Variants in SDC2 observed in about 807,000 individuals in gnomAD.
The protein encoded by SDC2 is syndecan-2.
SDC2 carries 13 observed loss-of-function variants against 22.2 expected under a neutral mutation model. The ratio of observed to expected loss-of-function variants is 0.59; its 90% CI spans 0.38 to 0.93. The LOEUF (loss-of-function observed/expected upper bound fraction) is 0.93, where lower values mean the gene tolerates loss of function less well. Among genes scored for constraint, SDC2 ranks in the 40% least tolerant of loss-of-function variants. The pLI is 0.00. For missense variants in SDC2, 235 were observed against 246.8 expected, an observed-to-expected ratio of 0.95 and a Z score of 0.32; for synonymous variants, 94 against 92.8, an observed-to-expected ratio of 1.01 and a Z score of -0.07.
chr8:96,496,039 G>T (rs548092890), intron 1 of SDC2, among the ~76,000 whole-genome samples: 6 of 152,288 alleles, frequency 3.9e-5, no homozygotes, highest in Middle Eastern at 3.4e-3. Flanking sequence ...TGCAAAACAG[G>T]GCAAAGGGAC....
chr8:96,559,951 C>T (rs536239825), intron 1 of SDC2, among the ~76,000 whole-genome samples: 2 of 152,254 alleles, frequency 1.3e-5, no homozygotes, highest in South Asian at 2.1e-4. Flanking sequence ...TCATTTGCCT[C>T]CTTAATTGTC....
chr8:96,561,402 T>A (rs1176364799), intron 1 of SDC2, among the ~76,000 whole-genome samples: 1 of 152,018 alleles, frequency 6.6e-6, no homozygotes, highest in Non-Finnish European at 1.5e-5. Flanking sequence ...GCAGCCAGAG[T>A]GCCTTTCATA....
intron 2 of SDC2, among the ~76,000 whole-genome samples, chr8:96,601,469 A>G (rs944355652): frequency 1.4e-4 from 22 of 151,918 alleles, no homozygotes; most frequent in Admixed American, 1.1e-3. Context: ...GTGAAACCCC[A>G]TCTCTACTAA....
At chr8:96,590,381 A>G (rs991020336) in intron 1 of SDC2, among the ~76,000 whole-genome samples, 7 of 152,144 alleles carry the variant, frequency 4.6e-5, no homozygotes, top group Non-Finnish European at 1.0e-4. Flanking sequence ...GGTCCCATTG[A>G]GTAAGGGAGT....
chr8:96,494,773 A>T (rs1813023512), intron 1 of SDC2, among the ~76,000 whole-genome samples: 1 of 152,066 alleles, frequency 6.6e-6, no homozygotes, highest in Non-Finnish European at 1.5e-5. Context: ...TCCTCCGCAC[A>T]CCATCCCCCC....
chr8:96,608,184 T>A (rs918938305), intron 3 of SDC2, 151 bp from the exon 4 acceptor site: 26 of 670,542 alleles, frequency 3.9e-5, no homozygotes, highest in South Asian at 2.8e-4. Flanking sequence ...ACTCACCCAT[T>A]GCTATAAACA....
At chr8:96,576,380 T>G (rs866692271) in intron 1 of SDC2, among the ~76,000 whole-genome samples, 4 of 48,620 alleles carry the variant, frequency 8.2e-5, no homozygotes, top group Middle Eastern at 8.6e-3. Context: ...TTTTGTTTTG[T>G]TTTGTTTTTT....
intron 1 of SDC2, among the ~76,000 whole-genome samples, chr8:96,562,283 C>T (rs2130563863): frequency 1.3e-5 from 2 of 152,304 alleles, no homozygotes; most frequent in South Asian, 4.1e-4. Flanking sequence ...TGCCTTTGCT[C>T]CTTTGTCAAA....
intron 1 of SDC2, among the ~76,000 whole-genome samples, chr8:96,564,030 A>G (rs1814254532): frequency 6.6e-6 from 1 of 152,230 alleles, no homozygotes; most frequent in Non-Finnish European, 1.5e-5. Flanking sequence ...AGTTTAGCCA[A>G]GGGATGCCAG....
intron 1 of SDC2, among the ~76,000 whole-genome samples, chr8:96,517,378 T>C (rs1055423838): frequency 3.9e-5 from 6 of 152,202 alleles, no homozygotes; most frequent in African/African-American, 1.4e-4. Flanking sequence ...TGCTTATGTT[T>C]TTGGTATCAT....
At chr8:96,566,075 C>T (rs1299865313) in intron 1 of SDC2, among the ~76,000 whole-genome samples, 1 of 152,130 alleles carries the variant, frequency 6.6e-6, no homozygotes, top group East Asian at 1.9e-4. Flanking sequence ...ATCTGGTCTT[C>T]CTCACATGGG....
At chr8:96,583,212 A>G (rs1814619645) in intron 1 of SDC2, among the ~76,000 whole-genome samples, 1 of 148,012 alleles carries the variant, frequency 6.8e-6, no homozygotes, top group African/African-American at 2.5e-5. Flanking sequence ...TTGGCCTCCC[A>G]AAGTGCTGGG....
At chr8:96,597,645 G>A (rs1463632295) in intron 2 of SDC2, among the ~76,000 whole-genome samples, 1 of 152,162 alleles carries the variant, frequency 6.6e-6, no homozygotes, top group Non-Finnish European at 1.5e-5. Context: ...TCGAACAATG[G>A]CACAAAAACA....
chr8:96,597,284 G>A (rs887885920), intron 2 of SDC2, among the ~76,000 whole-genome samples: 1 of 152,208 alleles, frequency 6.6e-6, no homozygotes, highest in African/African-American at 2.4e-5. Context: ...AGGGGACTGG[G>A]AGGCTCCCCT....
chr8:96,555,607 A>G (rs563471332), intron 1 of SDC2, among the ~76,000 whole-genome samples: 7 of 152,190 alleles, frequency 4.6e-5, no homozygotes, highest in Non-Finnish European at 7.3e-5. Flanking sequence ...AACATAAGCT[A>G]TGTCATCTGT....
chr8:96,581,855 C>T (rs1814595584), intron 1 of SDC2, among the ~76,000 whole-genome samples: 1 of 152,148 alleles, frequency 6.6e-6, no homozygotes, highest in Admixed American at 6.5e-5. Context: ...CCACAGGTTT[C>T]CTTTCCCTCT....
chr8:96,540,539 C>G (rs1375375058), intron 1 of SDC2, among the ~76,000 whole-genome samples: 1 of 148,024 alleles, frequency 6.8e-6, no homozygotes, highest in Non-Finnish European at 1.5e-5. Context: ...ATGGTAACTT[C>G]AGTTGGGCCT....
chr8:96,548,643 G>A (rs892535088), intron 1 of SDC2, among the ~76,000 whole-genome samples: 5 of 152,182 alleles, frequency 3.3e-5, no homozygotes, highest in African/African-American at 1.2e-4. Context: ...CAACACTTCA[G>A]TATCTCCTTT....
chr8:96,593,217 A>G (rs1189767878), intron 1 of SDC2, among the ~76,000 whole-genome samples: 1 of 152,218 alleles, frequency 6.6e-6, no homozygotes, highest in Non-Finnish European at 1.5e-5. Context: ...TAAGCCCAAG[A>G]TAGGAGTTTA....
Sources: allele counts gnomAD v4.1 joint callset (sites outside exome capture counted in the v4.1 genomes callset), GRCh38; gene constraint gnomAD v4.1.1; transcripts MANE v1.5; gene names NCBI Gene and HGNC (gene_info 2026-07-23, HGNC 2026-07-21).